LRRC49: variants seen among roughly 807,000 people sequenced by gnomAD.
LRRC49 encodes leucine-rich repeat-containing protein 49.
A neutral mutation model predicts 83.3 loss-of-function variants in LRRC49; 50 were observed. The ratio of observed to expected loss-of-function variants is 0.60; its 90% CI spans 0.48 to 0.76. LRRC49 has a LOEUF of 0.76. Ranked by LOEUF, LRRC49 falls within the 30% of genes least tolerant of loss-of-function variation. The pLI is 0.00. For missense variants in LRRC49, 704 were observed against 809.1 expected (o/e 0.87, Z 1.58); for synonymous variants, 286 against 283.3 (o/e 1.01, Z -0.10).
Position 70,904,574 on chromosome 15 carries a change from A to T in LRRC49, c.319A>T (p.Ile107Phe). The T allele has an allele frequency of 6.2e-7, 1 of 1,613,440 alleles. No individual in the cohort carries two copies. Among genetic ancestry groups the T allele is most frequent in the African/African-American group, 1.3e-5 (1 of 75,026 alleles). ...TAGACAAAAGCTGACCGTATGTCCT[A>T]TCATCAATGGGGAAGACCACCTTCG... Reference protein sequence around the residue: ...LERQKLTVCPIINGEDHLRLL... With the variant: ...LERQKLTVCPFINGEDHLRLL... The change falls in exon 5 of 16, where the codon ATC becomes TTC. Residue 107 changes from isoleucine to phenylalanine, a missense_variant. Around this residue, in one of 3 missense-constraint regions of LRRC49, gnomAD observed 261 missense variants for 330.5 expected, o/e 0.79. Transcript: ENST00000260382.
At chr15:70,994,946 A>G (rs2038025928) in intron 11 of LRRC49, among the ~76,000 whole-genome samples, 1 of 152,232 alleles carries the variant, frequency 6.6e-6, no homozygotes, top group African/African-American at 2.4e-5. Context: ...AACTGGGAAA[A>G]TGTTGAAAGA....
intron 9 of LRRC49, among the ~76,000 whole-genome samples, chr15:70,968,920 C>T (rs1429053828): frequency 3.9e-5 from 6 of 152,066 alleles, no homozygotes; most frequent in South Asian, 2.1e-4. Context: ...AATTTTCTTC[C>T]GTTCTGTAGG....
intron 14 of LRRC49, among the ~76,000 whole-genome samples, chr15:71,016,324 T>C (rs113202506): frequency 0.015 from 2,213 of 152,190 alleles, 47 homozygotes; most frequent in African/African-American, 0.05. Flanking sequence ...ATGAATTTGA[T>C]AATAAGAATA....
rs545674263 is a variant in LRRC49 at position 70,857,252 on chromosome 15, G to T, written c.-299+3783G>T. Among the ~76,000 whole-genome samples, 57 of 152,270 alleles carry T rather than the reference G, an allele frequency of 3.7e-4. 2 individuals carry two copies. In the South Asian group the frequency reaches 0.011, roughly 29 times the overall value. The stretch of plus-strand genomic sequence containing the variant: ...CCAGTATATACAAGGGTGTTGTTTG[G>T]AATCAATTGGAAATATTTTTGAGTG... On this transcript the variant is annotated intron_variant, in intron 1 of 16. Coordinates refer to the LRRC49 transcript ENST00000544974.
intron 7 of LRRC49, among the ~76,000 whole-genome samples, chr15:70,920,557 T>G (rs750925998): frequency 1.1e-4 from 16 of 152,194 alleles, no homozygotes; most frequent in African/African-American, 3.6e-4. Flanking sequence ...CAAAAAGCTT[T>G]GTTAGAGTAG....
intron 11 of LRRC49, among the ~76,000 whole-genome samples, chr15:70,988,767 G>C (rs1024874096): frequency 2.0e-5 from 3 of 152,086 alleles, no homozygotes; most frequent in African/African-American, 7.2e-5. Flanking sequence ...TTTTGCAGTG[G>C]CTGGTACCGG....
At position 70,892,948 on chromosome 15, in the gene LRRC49, T is replaced by C. The variant is rs755644235; in HGVS notation, c.48+6T>C. The C allele has an allele frequency of 5.0e-6, 8 of 1,614,042 alleles. No individual in the cohort carries two copies. The highest frequency in any genetic ancestry group is 3.3e-4 in the Middle Eastern group (2 of 6,084). ...CTGGCCGGGCTGCGAACAACGTAAGTTGGGCCTTCTACTTTCTCTTTCTTC... is the reference window on the plus strand; with the variant it reads ...CTGGCCGGGCTGCGAACAACGTAAGCTGGGCCTTCTACTTTCTCTTTCTTC... On this transcript the variant is annotated splice_donor_region_variant and intron_variant, in intron 1 of 15. Transcript: ENST00000260382.
intron 13 of LRRC49, 109 bp downstream of exon 13, chr15:71,010,101 T>G: frequency 1.6e-6 from 1 of 618,078 alleles, no homozygotes. Flanking sequence ...ATTTGAGATA[T>G]AATGGTTTTT....
chr15:70,978,996 G>A (rs1225312817), intron 9 of LRRC49, among the ~76,000 whole-genome samples: 3 of 151,904 alleles, frequency 2.0e-5, no homozygotes, highest in African/African-American at 7.2e-5. Flanking sequence ...ACTTGTTATG[G>A]TTTCCTGTCT....
At chr15:70,908,800 T>C (rs1286153606) in intron 5 of LRRC49, 1 of 152,280 alleles carries the variant, frequency 6.6e-6, no homozygotes, top group Non-Finnish European at 1.5e-5. Flanking sequence ...TTTTGGTTCC[T>C]GAACAAAGAT....
At chr15:70,891,089 A>G (rs1431805324), upstream of LRRC49, among the ~76,000 whole-genome samples, 1 of 152,128 alleles carries the variant, frequency 6.6e-6, no homozygotes, top group Admixed American at 6.5e-5. Context: ...GAAATTACTA[A>G]CCTCTTGCTA....
At chr15:70,867,393 G>A (rs1432827513) in intron 1 of LRRC49, among the ~76,000 whole-genome samples, 1 of 152,140 alleles carries the variant, frequency 6.6e-6, no homozygotes, top group Non-Finnish European at 1.5e-5. Flanking sequence ...ACATCAGGGT[G>A]AAGAAGACAC....
intron 2 of LRRC49, among the ~76,000 whole-genome samples, chr15:70,875,596 C>T (rs1477979005): frequency 6.6e-6 from 1 of 152,180 alleles, no homozygotes; most frequent in Non-Finnish European, 1.5e-5. Flanking sequence ...AGGCAATATC[C>T]TTTCCTGCCT....
chr15:71,034,819 C>G (rs1440334338), intron 14 of LRRC49, among the ~76,000 whole-genome samples: 2 of 152,178 alleles, frequency 1.3e-5, no homozygotes, highest in African/African-American at 2.4e-5. Context: ...CACATGTTCT[C>G]ACTTATAAGT....
In LRRC49 at chr15:70,960,078, T is replaced by G. The variant is rs531404037; in HGVS notation, c.774-3707T>G. On this transcript the variant is annotated intron_variant, in intron 8 of 15. Transcript: ENST00000260382. Reference sequence around the variant, plus strand: ...CTAAATTAGGATGGAAGCTTGCCTCTGTGGATGTAAAGTCTAATCAAAGTT... The same window carrying G: ...CTAAATTAGGATGGAAGCTTGCCTCGGTGGATGTAAAGTCTAATCAAAGTT... 3.3e-5 allele frequency among the ~76,000 whole-genome samples: 5 copies of G among 152,352 alleles called. No homozygotes were observed. The South Asian group carries it at 6.2e-4, about 19-fold the overall frequency.
intron 4 of LRRC49, among the ~76,000 whole-genome samples, chr15:70,903,691 T>C (rs1397479683): frequency 1.3e-5 from 2 of 152,210 alleles, no homozygotes; most frequent in African/African-American, 4.8e-5. Flanking sequence ...CACACTCAGA[T>C]AGAGCTGTAT....
At chr15:70,911,716 G>A (rs1339716103) in intron 6 of LRRC49, 118 bp downstream of exon 6, 2 of 633,294 alleles carry the variant, frequency 3.2e-6, no homozygotes, top group Non-Finnish European at 5.5e-6. Context: ...TTGATTCACT[G>A]AAATTTCTAA....
chr15:70,983,806 TA>T lies in LRRC49; in HGVS notation c.1006-286del, dbSNP rs1373883698. 2.0e-5 allele frequency among the ~76,000 whole-genome samples: 3 copies of T among 152,194 alleles called. No individual in the cohort carries two copies. The East Asian group carries it at 5.8e-4, about 29-fold the overall frequency. Reference sequence around the variant, plus strand: ...ATTAAAACTTCAGATTTTGAATTTTTAATCTCTAGTTGGTTGTATATTTATT... The same window carrying T: ...ATTAAAACTTCAGATTTTGAATTTTTATCTCTAGTTGGTTGTATATTTATT... On this transcript the variant is annotated intron_variant, in intron 10 of 15. Coordinates refer to ENST00000260382, the MANE Select transcript of LRRC49 (RefSeq NM_017691.5).
intron 5 of LRRC49, among the ~76,000 whole-genome samples, chr15:70,906,098 CTTTTTTTTTTTT>C (rs976292654): frequency 2.3e-5 from 3 of 130,840 alleles, no homozygotes; most frequent in African/African-American, 5.7e-5. Context: ...ATTTTTTTTT[CTTTTTTTTTTTT>C]TTTTTGAGAT....
Sources: gnomAD v4.1 joint callset for allele counts (sites outside exome capture counted in the v4.1 genomes callset) on GRCh38, gnomAD v4.1.1 for gene constraint, gnomAD v4.1.1 regional missense constraint, MANE v1.5 for transcripts, NCBI Gene and HGNC (gene_info 2026-07-23, HGNC 2026-07-21) for gene names.